The following ITIH5 variants were observed in gnomAD, a reference collection of about 807,000 sequenced individuals.
ITIH5 encodes the protein inter-alpha-trypsin inhibitor heavy chain 5.
ITIH5 carries 65 observed loss-of-function variants against 77.5 expected under a neutral mutation model. That is an observed-to-expected ratio of 0.84 (90% CI 0.69 to 1.03). The LOEUF (loss-of-function observed/expected upper bound fraction) is 1.03, where lower values mean the gene tolerates loss of function less well. ITIH5 is among the 50% of genes least tolerant of loss of function. ITIH5 has a pLI of 0.00. For synonymous variants in ITIH5, 525 were observed against 494.3 expected (o/e 1.06, Z -0.82); for missense variants, 1,208 against 1,213.1 (o/e 1.00, Z 0.06).
chr10:7,660,195 C>A (rs149273268), intron 1 of ITIH5, among the ~76,000 whole-genome samples: 1 of 152,062 alleles, frequency 6.6e-6, no homozygotes, highest in African/African-American at 2.4e-5. Flanking sequence ...TATATGCTCA[C>A]GAAAGCACAA....
rs953766760 is a variant in ITIH5 at position 7,563,159 on chromosome 10, T to G, written c.2753A>C (p.Glu918Ala). Residue 918 changes from glutamate to alanine, a missense_variant, in exon 14 of 14, where the codon GAG (glutamate) becomes GCG (alanine). Transcript: ENST00000397146. ...RNNAAKLIDGEYKDYLASHPF... is the reference protein window; with the variant it reads ...RNNAAKLIDGAYKDYLASHPF... ...ATGGGATGCCAGGTAATCCTTGTAC[T>G]CCCCGTCAATCAGTTTGGCGGCATT... 1.2e-6 allele frequency: 2 copies of G among 1,613,844 alleles called. No individual in the cohort carries two copies.
In ITIH5 at chr10:7,560,269, T is replaced by TA. The variant is rs747686302; in HGVS notation, c.*2813dup. 6.3e-6 allele frequency: 1 copy of TA among 157,822 alleles called. No individual in the cohort carries two copies. Among genetic ancestry groups the TA allele is most frequent in the African/African-American group, 2.4e-5 (1 of 41,466 alleles). 9.8% of individuals were successfully genotyped at this position (157,822 alleles called of 1,614,324 possible). On this transcript the variant is annotated 3_prime_UTR_variant, in exon 14 of 14. Transcript: ENST00000397146. Reference sequence around the variant, plus strand: ...CACATTCAGGATTTAAGCTTCAACATATGAATTTGGGGAAGACATATACAC... The same window carrying TA: ...CACATTCAGGATTTAAGCTTCAACATAATGAATTTGGGGAAGACATATACAC...
At chr10:7,607,746 G>A (rs1424453883) in intron 7 of ITIH5, among the ~76,000 whole-genome samples, 8 of 152,234 alleles carry the variant, frequency 5.3e-5, no homozygotes, top group East Asian at 1.9e-4. Flanking sequence ...CCCAGGAGGC[G>A]GAGGTTGCAG....
chr10:7,563,824 C>T (rs1304356123), intron 13 of ITIH5, among the ~76,000 whole-genome samples: 1 of 152,204 alleles, frequency 6.6e-6, no homozygotes, highest in East Asian at 1.9e-4. Context: ...TGACCCTCGT[C>T]CTCAGGACTC....
At chr10:7,634,357 T>A (rs1047809860) in intron 5 of ITIH5, among the ~76,000 whole-genome samples, 3 of 152,066 alleles carry the variant, frequency 2.0e-5, no homozygotes, top group African/African-American at 7.2e-5. Context: ...AGGCTGCCAT[T>A]TTGCAGGAAC....
chr10:7,569,554 A>C (rs914917397), intron 12 of ITIH5, 114 bp downstream of exon 12: 3 of 627,860 alleles, frequency 4.8e-6, no homozygotes, highest in Non-Finnish European at 8.3e-6. Flanking sequence ...GACGATACTC[A>C]CTGAGCGTCT....
At chr10:7,625,744 A>G (rs11255253) in intron 5 of ITIH5, among the ~76,000 whole-genome samples, 23,280 of 151,340 alleles carry the variant, frequency 0.15, 2,151 homozygotes, top group African/African-American at 0.26. Context: ...TTGCCTGGGT[A>G]ACAGAGTGAT....
At position 7,644,820 on chromosome 10, in the gene ITIH5, ATATAT is replaced by A. The variant is rs1309695509; in HGVS notation, c.136-2735_136-2731del. 6.9e-5 allele frequency among the ~76,000 whole-genome samples: 7 copies of A among 101,448 alleles called. 1 individual carries two copies. The highest frequency in any genetic ancestry group is 2.8e-4 in the African/African-American group (7 of 25,342). 66.6% of individuals were successfully genotyped at this position (101,448 alleles called of 152,430 possible). A position where few individuals can be genotyped will look rare whatever the true frequency, so the allele number is the denominator to read the frequency against. On this transcript the variant is annotated intron_variant, in intron 2 of 13. Transcript: ENST00000397146. ...ATATCATATATATCACATATATATC[ATATAT>A]ATCACATATATATCACATATATATC...
rs560098428 is a variant in ITIH5 at position 7,565,083 on chromosome 10, T to C, written c.2527+947A>G. 2.4e-3 allele frequency among the ~76,000 whole-genome samples: 327 copies of C among 136,124 alleles called. 1 individual carries two copies. Among genetic ancestry groups the C allele is most frequent in the African/African-American group, 0.01 (306 of 30,438 alleles). The allele number at this position is 136,124 out of a possible 152,430, so 89.3% of individuals were successfully genotyped here. A position where few individuals can be genotyped will look rare whatever the true frequency, so the allele number is the denominator to read the frequency against. Reference sequence around the variant, plus strand: ...CACACATAGACTGTATATATATATATACACACACACACACACATACATATA... The same window carrying C: ...CACACATAGACTGTATATATATATACACACACACACACACACATACATATA... On this transcript the variant is annotated intron_variant, in intron 13 of 13. Transcript: ENST00000397146.
intron 2 of ITIH5, among the ~76,000 whole-genome samples, chr10:7,649,272 C>T (rs1834055385): frequency 6.6e-6 from 1 of 151,434 alleles, no homozygotes; most frequent in Non-Finnish European, 1.5e-5. Context: ...CTTCCCCCTT[C>T]TTCTTCTTAT....
rs564181797 is a variant in ITIH5 at position 7,602,562 on chromosome 10, T to G, written c.939+13420A>C. Among the ~76,000 whole-genome samples, 67 of 152,312 alleles carry G rather than the reference T, an allele frequency of 4.4e-4. No homozygotes were observed. In the Middle Eastern group the frequency reaches 0.01, roughly 23 times the overall value. ...GCACTCACTCTGTCCTGCTGCCCTGTGAAGAAGGTTCCTGCTTCTCCTTTG... is the reference window on the plus strand; with the variant it reads ...GCACTCACTCTGTCCTGCTGCCCTGGGAAGAAGGTTCCTGCTTCTCCTTTG... On this transcript the variant is annotated intron_variant, in intron 7 of 13. Transcript: ENST00000397146.
chr10:7,644,951 TCA>T (rs34060339), intron 2 of ITIH5, among the ~76,000 whole-genome samples: 57,849 of 80,046 alleles, frequency 0.72, 18,609 homozygotes, highest in Non-Finnish European at 0.76. Context: ...TATATATATA[TCA>T]CACATATATA....
Position 7,655,667 on chromosome 10 carries a change from G to A in ITIH5, c.99C>T (p.Leu33=), listed in dbSNP as rs756592275. The A allele has an allele frequency of 5.6e-6, 9 of 1,611,768 alleles. No homozygotes were observed. The Admixed American group carries it at 8.3e-5, about 15-fold the overall frequency. Reference sequence around the variant, plus strand: ...ACAGTCTGACTTGCCTCGGGACCCTGAGTCCATCCTAGAAAAGAGAAGAGA... The same window carrying A: ...ACAGTCTGACTTGCCTCGGGACCCTAAGTCCATCCTAGAAAAGAGAAGAGA... ...SWGHSSEQDG[L]RVPRQVRLLQ... Residue 33 remains leucine (L), a synonymous_variant, in exon 2 of 14, where the codon CTC becomes CTT. Coordinates refer to ENST00000397146, the MANE Select transcript of ITIH5 (RefSeq NM_030569.7).
intron 2 of ITIH5, among the ~76,000 whole-genome samples, chr10:7,644,467 T>C (rs1833944750): frequency 1.4e-5 from 2 of 143,498 alleles, no homozygotes; most frequent in Admixed American, 7.2e-5. Flanking sequence ...ATATCACATA[T>C]AGATCATATA....
chr10:7,637,197 G>A, intron 5 of ITIH5, 31 bp downstream of exon 5: 2 of 1,592,794 alleles, frequency 1.3e-6, no homozygotes. Context: ...TTTCACCACA[G>A]ATCTGCACGA....
At chr10:7,587,632 A>G (rs573643367) in intron 7 of ITIH5, among the ~76,000 whole-genome samples, 4 of 152,306 alleles carry the variant, frequency 2.6e-5, no homozygotes, top group Non-Finnish European at 5.9e-5. Context: ...TCAGGTTGTC[A>G]TGAGGATTAA....
intron 2 of ITIH5, among the ~76,000 whole-genome samples, chr10:7,648,527 AG>A (rs1834042323): frequency 6.6e-6 from 1 of 152,248 alleles, no homozygotes; most frequent in Admixed American, 6.5e-5. Context: ...TTTACATAAA[AG>A]TAGAATACTA....
intron 12 of ITIH5, among the ~76,000 whole-genome samples, chr10:7,567,930 A>G (rs1832220532): frequency 6.6e-6 from 1 of 152,224 alleles, no homozygotes; most frequent in Non-Finnish European, 1.5e-5. Flanking sequence ...GGACAGATGG[A>G]AAACCTAACA....
chr10:7,578,773 G>T (rs1832476613), intron 9 of ITIH5: 1 of 152,136 alleles, frequency 6.6e-6, no homozygotes, highest in African/African-American at 2.4e-5. Flanking sequence ...CGCTGAACTG[G>T]GAGCTGGCAC....
Sources: allele counts gnomAD v4.1 joint callset (sites outside exome capture counted in the v4.1 genomes callset), GRCh38; gene constraint gnomAD v4.1.1; transcripts MANE v1.5; gene names NCBI Gene and HGNC (gene_info 2026-07-23, HGNC 2026-07-21).